Variants in PID1 observed in about 807,000 individuals in gnomAD.
PID1 encodes PTB-containing, cubilin and LRP1-interacting protein.
Under a neutral mutation model 19.1 loss-of-function variants are expected in PID1, and 10 were observed. The ratio of observed to expected loss-of-function variants is 0.52; its 90% CI spans 0.32 to 0.89. The LOEUF (loss-of-function observed/expected upper bound fraction) is 0.89, where lower values mean the gene tolerates loss of function less well. PID1 is among the 40% of genes least tolerant of loss of function. PID1 has a pLI of 0.03. For synonymous variants in PID1, 130 were observed against 116.0 expected, an observed-to-expected ratio of 1.12 and a Z score of -0.78; for missense variants, 248 against 285.3, an observed-to-expected ratio of 0.87 and a Z score of 0.94.
intron 2 of PID1, among the ~76,000 whole-genome samples, chr2:229,098,527 T>C (rs1223922757): frequency 6.6e-6 from 1 of 152,146 alleles, no homozygotes; most frequent in African/African-American, 2.4e-5. Context: ...ATTTTCTATA[T>C]CTCTCAGAAG....
intron 2 of PID1, among the ~76,000 whole-genome samples, chr2:229,046,108 A>G (rs4973150): frequency 0.54 from 81,536 of 151,404 alleles, 23,048 homozygotes; most frequent in African/African-American, 0.72. Context: ...CCATCAACGA[A>G]CCCCCCGACT....
chr2:229,070,811 G>A (rs1488162664), intron 2 of PID1, among the ~76,000 whole-genome samples: 3 of 152,124 alleles, frequency 2.0e-5, no homozygotes, highest in Non-Finnish European at 4.4e-5. Context: ...GCTTTTCACT[G>A]GCACAAGGGA....
chr2:229,192,826 C>A (rs1691290827), intron 1 of PID1, among the ~76,000 whole-genome samples: 1 of 151,954 alleles, frequency 6.6e-6, no homozygotes, highest in South Asian at 2.1e-4. Flanking sequence ...ATTACTAGGC[C>A]AATTCTCTTT....
chr2:229,249,843 A>G lies in PID1; in HGVS notation c.30+21171T>C, dbSNP rs201006855. Among the ~76,000 whole-genome samples the G allele has an allele frequency of 3.4e-3, 382 of 113,162 alleles. 7 individuals are homozygous for G. In the Middle Eastern group the frequency reaches 0.035, roughly 10 times the overall value. 74.2% of individuals were successfully genotyped at this position (113,162 alleles called of 152,430 possible). A position where few individuals can be genotyped will look rare whatever the true frequency, so the allele number is the denominator to read the frequency against. ...GCGGCTGACAGGAGTATGATCCCCC[A>G]GGCAGAGCAGGCGGCTGACAGAAAA... On this transcript the variant is annotated intron_variant, in intron 1 of 2. Transcript: ENST00000392055.
At chr2:229,108,933 C>A (rs1695233074) in intron 2 of PID1, among the ~76,000 whole-genome samples, 1 of 152,042 alleles carries the variant, frequency 6.6e-6, no homozygotes, top group Admixed American at 6.5e-5. Context: ...ATGATATCAG[C>A]AAAAATTGGG....
intron 2 of PID1, among the ~76,000 whole-genome samples, chr2:229,041,667 G>A (rs1693772590): frequency 6.6e-6 from 1 of 152,132 alleles, no homozygotes; most frequent in Non-Finnish European, 1.5e-5. Flanking sequence ...TACAAATGGA[G>A]AGCAATAAAT....
At chr2:229,181,627 G>C (rs1559272293) in intron 1 of PID1, among the ~76,000 whole-genome samples, 1 of 152,180 alleles carries the variant, frequency 6.6e-6, no homozygotes, top group Non-Finnish European at 1.5e-5. Flanking sequence ...ATAATCAAAA[G>C]ATCCAAATTT....
At chr2:229,128,615 G>C (rs558169179) in intron 2 of PID1, among the ~76,000 whole-genome samples, 2 of 151,928 alleles carry the variant, frequency 1.3e-5, no homozygotes, top group African/African-American at 2.4e-5. Flanking sequence ...AGAACCATGA[G>C]GATTTCTTCA....
chr2:229,246,861 A>G (rs1690016850), intron 1 of PID1, among the ~76,000 whole-genome samples: 1 of 152,158 alleles, frequency 6.6e-6, no homozygotes, highest in Non-Finnish European at 1.5e-5. Flanking sequence ...AGTTCTCACA[A>G]TCTTTTCAGA....
Position 229,253,730 on chromosome 2 carries a change from C to T in PID1, c.30+17284G>A, listed in dbSNP as rs575507949. Among the ~76,000 whole-genome samples, 47 of 152,298 alleles carry T rather than the reference C, an allele frequency of 3.1e-4. No individual in the cohort carries two copies. The Middle Eastern group carries it at 0.014, about 44-fold the overall frequency. On this transcript the variant is annotated intron_variant, in intron 1 of 2. Coordinates refer to ENST00000392055, the MANE Select transcript of PID1 (RefSeq NM_001100818.2). ...TATTTTACAGAGCTTTCAAGCATGG[C>T]TCCTTCACTTTTCCCCAGACATATG...
intron 2 of PID1, among the ~76,000 whole-genome samples, chr2:229,113,505 T>TATAC (rs1376826380): frequency 1.3e-5 from 1 of 76,446 alleles, no homozygotes; most frequent in Non-Finnish European, 2.7e-5. Flanking sequence ...TGTGTGTGTG[T>TATAC]ATACATATAT....
chr2:229,183,742 C>T (rs1690996413), intron 1 of PID1, among the ~76,000 whole-genome samples: 1 of 151,878 alleles, frequency 6.6e-6, no homozygotes, highest in African/African-American at 2.4e-5. Context: ...TGGACCCAGA[C>T]TGGAACCACA....
intron 2 of PID1, among the ~76,000 whole-genome samples, chr2:229,131,282 G>A (rs1391768336): frequency 6.6e-6 from 1 of 150,480 alleles, no homozygotes; most frequent in African/African-American, 2.5e-5. Flanking sequence ...CCAGGCTGGA[G>A]TGCAGTGTTG....
At chr2:229,063,964 G>C (rs996327784) in intron 2 of PID1, among the ~76,000 whole-genome samples, 1 of 151,988 alleles carries the variant, frequency 6.6e-6, no homozygotes. Context: ...GAGAGCTCCA[G>C]ACTCAGACTC....
At chr2:229,132,869 G>A (rs1274819905) in intron 2 of PID1, among the ~76,000 whole-genome samples, 1 of 152,204 alleles carries the variant, frequency 6.6e-6, no homozygotes, top group Non-Finnish European at 1.5e-5. Flanking sequence ...GGCGAAAGAT[G>A]AGAGAATTCT....
chr2:229,187,346 C>G (rs549015139), intron 1 of PID1, among the ~76,000 whole-genome samples: 1 of 152,102 alleles, frequency 6.6e-6, no homozygotes, highest in Non-Finnish European at 1.5e-5. Flanking sequence ...AAGACATACC[C>G]GAGACTGGGC....
chr2:229,213,685 A>G (rs1393803951), intron 1 of PID1, among the ~76,000 whole-genome samples: 1 of 152,232 alleles, frequency 6.6e-6, no homozygotes, highest in South Asian at 2.1e-4. Flanking sequence ...TCTCAAAGGT[A>G]AACATTATAT....
At chr2:229,209,088 A>G (rs943601970) in intron 1 of PID1, among the ~76,000 whole-genome samples, 2 of 152,212 alleles carry the variant, frequency 1.3e-5, no homozygotes, top group African/African-American at 4.8e-5. Context: ...TCAGACTGTC[A>G]AAGGTTTCAA....
intron 2 of PID1, among the ~76,000 whole-genome samples, chr2:229,129,376 T>C (rs916573819): frequency 1.4e-5 from 2 of 143,608 alleles, no homozygotes; most frequent in Non-Finnish European, 3.0e-5. Context: ...ATTGCGCCAC[T>C]GCACCCCAGC....
Sources: allele counts gnomAD v4.1 joint callset (sites outside exome capture counted in the v4.1 genomes callset), GRCh38; gene constraint gnomAD v4.1.1; transcripts MANE v1.5; gene names NCBI Gene and HGNC (gene_info 2026-07-23, HGNC 2026-07-21).